CMC1: variants seen among roughly 807,000 people sequenced by gnomAD.
CMC1 encodes the protein COX assembly mitochondrial protein homolog.
Under a neutral mutation model 14.1 loss-of-function variants are expected in CMC1, and 14 were observed. The ratio of observed to expected loss-of-function variants is 0.99; its 90% CI spans 0.66 to 1.55. The LOEUF (loss-of-function observed/expected upper bound fraction) is 1.55, where lower values mean the gene tolerates loss of function less well. Among genes scored for constraint, CMC1 ranks in the 40% most tolerant of loss-of-function variants. CMC1 has a pLI of 0.00. For missense variants in CMC1, 127 were observed against 123.8 expected, an observed-to-expected ratio of 1.03 and a Z score of -0.12; for synonymous variants, 50 against 38.4, an observed-to-expected ratio of 1.30 and a Z score of -1.12.
intron 2 of CMC1, among the ~76,000 whole-genome samples, chr3:28,286,799 A>G (rs1701206176): frequency 1.3e-5 from 2 of 152,184 alleles, no homozygotes; most frequent in Admixed American, 1.3e-4. Flanking sequence ...TAGGGGTTCA[A>G]TTTTAACACA....
chr3:28,318,017 A>T (rs926452060), intron 3 of CMC1: 1 of 151,892 alleles, frequency 6.6e-6, no homozygotes, highest in Admixed American at 6.6e-5. Flanking sequence ...ATGTGACATT[A>T]ACTGAAAGTA....
chr3:28,299,617 A>G (rs1263540611), intron 2 of CMC1, among the ~76,000 whole-genome samples: 1 of 152,172 alleles, frequency 6.6e-6, no homozygotes, highest in Non-Finnish European at 1.5e-5. Context: ...AATTAAAAGC[A>G]TAATAATTTT....
chr3:28,323,836 AG>A lies in CMC1; in HGVS notation c.*4208del, dbSNP rs1234362548. ...GTATAGTAGCATATTTCAGATTCTT[AG>A]AATATGGAGCTAGAGGGTGCTCTTT... On this transcript the variant is annotated 3_prime_UTR_variant, in exon 4 of 4. Transcript: ENST00000466830. 2.2e-6 allele frequency: 1 copy of A among 453,452 alleles called. No individual in the cohort carries two copies. The highest frequency in any genetic ancestry group is 2.0e-5 in the African/African-American group (1 of 51,178). 28.1% of individuals were successfully genotyped at this position (453,452 alleles called of 1,614,324 possible). A position where few individuals can be genotyped will look rare whatever the true frequency, so the allele number is the denominator to read the frequency against.
chr3:28,306,419 G>A (rs1453133820), intron 2 of CMC1, among the ~76,000 whole-genome samples: 1 of 151,930 alleles, frequency 6.6e-6, no homozygotes, highest in Non-Finnish European at 1.5e-5. Context: ...GTCTACCTAG[G>A]TATTTGTGTG....
At chr3:28,299,477 A>G (rs965111037) in intron 2 of CMC1, among the ~76,000 whole-genome samples, 6 of 152,094 alleles carry the variant, frequency 3.9e-5, no homozygotes, top group Non-Finnish European at 7.4e-5. Context: ...TAGCTCATGC[A>G]CTACAATGTA....
intron 1 of CMC1, among the ~76,000 whole-genome samples, chr3:28,253,568 A>G (rs1052435368): frequency 6.6e-6 from 1 of 152,058 alleles, no homozygotes; most frequent in African/African-American, 2.4e-5. Flanking sequence ...GTGACAGAAT[A>G]GTATTCTGTC....
At chr3:28,305,779 A>ATTTTTTTTTTTTTTTT (rs71087685) in intron 2 of CMC1, among the ~76,000 whole-genome samples, 8 of 43,570 alleles carry the variant, frequency 1.8e-4, no homozygotes, top group African/African-American at 6.7e-4. Context: ...TTTCATAGGA[A>ATTTTTTTTTTTTTTTT]TTTTTTTTTT....
intron 2 of CMC1, among the ~76,000 whole-genome samples, chr3:28,301,668 T>C (rs73822576): frequency 0.088 from 13,425 of 152,032 alleles, 1,851 homozygotes; most frequent in African/African-American, 0.29. Flanking sequence ...TAATGTTTTT[T>C]AAGCCAGTTG....
In CMC1 at chr3:28,323,010, C is replaced by T. The variant is rs565007052; in HGVS notation, c.*3381C>T. ...TCCTTCTTTATTTCCAAATAATTGGCCACTTAGAATAAGTGTGGACATTTC... is the reference window on the plus strand; with the variant it reads ...TCCTTCTTTATTTCCAAATAATTGGTCACTTAGAATAAGTGTGGACATTTC... On this transcript the variant is annotated 3_prime_UTR_variant, in exon 4 of 4. Transcript: ENST00000466830. The T allele has an allele frequency of 3.0e-4, 43 of 142,126 alleles. No homozygotes were observed. Among genetic ancestry groups the T allele is most frequent in the African/African-American group, 1.0e-3 (42 of 41,078 alleles). 8.8% of individuals were successfully genotyped at this position (142,126 alleles called of 1,614,324 possible).
chr3:28,245,388 CCTGCACCTGA>C (rs1698771758), intron 1 of CMC1, among the ~76,000 whole-genome samples: 3 of 152,070 alleles, frequency 2.0e-5, no homozygotes, highest in Non-Finnish European at 4.4e-5. Context: ...CCCATAGGAA[CCTGCACCTGA>C]TAAATTTGAT....
rs1703296353 is a variant in CMC1, at chr3:28,324,268, G to T, written c.*4639G>T. ...AATGGATCTCTCATTGTCTGTCCAT[G>T]ATTGGAGGATTGCTTTCTCTGATAA... On this transcript the variant is annotated 3_prime_UTR_variant, in exon 4 of 4. Coordinates refer to ENST00000466830, the MANE Select transcript of CMC1 (RefSeq NM_182523.2). 1 of 1,609,106 alleles carries T rather than the reference G, an allele frequency of 6.2e-7. No individual in the cohort carries two copies.
At position 28,293,982 on chromosome 3, in the gene CMC1, T is replaced by C. The variant is rs530627769; in HGVS notation, c.110-22351T>C. ...TTATATTTTACATATAGCATTAAAT[T>C]TGAACTATATGGATTTCAAATAAAA... On this transcript the variant is annotated intron_variant, in intron 2 of 3. Coordinates refer to ENST00000466830, the MANE Select transcript of CMC1 (RefSeq NM_182523.2). 3.3e-5 allele frequency among the ~76,000 whole-genome samples: 5 copies of C among 152,306 alleles called. No individual in the cohort carries two copies. In the South Asian group the frequency reaches 1.0e-3, roughly 32 times the overall value.
At chr3:28,283,203 A>ATT (rs766153875) in intron 2 of CMC1, among the ~76,000 whole-genome samples, 1 of 152,140 alleles carries the variant, frequency 6.6e-6, no homozygotes, top group Non-Finnish European at 1.5e-5. Context: ...ATGGGTAAAT[A>ATT]TCAAGCACAT....
At chr3:28,243,908 G>T (rs1698669452) in intron 1 of CMC1, among the ~76,000 whole-genome samples, 1 of 152,214 alleles carries the variant, frequency 6.6e-6, no homozygotes, top group South Asian at 2.1e-4. Context: ...AGATGGTGAA[G>T]AGATTAGTCA....
At chr3:28,304,606 G>A (rs1702217083) in intron 2 of CMC1, among the ~76,000 whole-genome samples, 1 of 152,044 alleles carries the variant, frequency 6.6e-6, no homozygotes, top group South Asian at 2.1e-4. Flanking sequence ...TGACAATAAT[G>A]ATTATTCCTT....
rs1018541930 is a variant in CMC1 at position 28,320,419 on chromosome 3, C to T, written c.*790C>T. 1 of 151,488 alleles carries T rather than the reference C, an allele frequency of 6.6e-6. No homozygotes were observed. The highest frequency in any genetic ancestry group is 2.4e-5 in the African/African-American group (1 of 41,354). 9.4% of individuals were successfully genotyped at this position (151,488 alleles called of 1,614,324 possible). The stretch of plus-strand genomic sequence containing the variant: ...AACAAGTGTGGGCAAACTTTTATAA[C>T]AGCCCGCTCTCTTGAGAACTAATAC... On this transcript the variant is annotated 3_prime_UTR_variant, in exon 4 of 4. Transcript: ENST00000466830.
intron 2 of CMC1, among the ~76,000 whole-genome samples, chr3:28,283,551 C>CAAAAAAAAAAAAAAAAAAAAAAAAAAA (rs5847510): frequency 8.5e-6 from 1 of 118,282 alleles, no homozygotes; most frequent in African/African-American, 3.1e-5. Context: ...ACAACAAAAA[C>CAAAAAAAAAAAAAAAAAAAAAAAAAAA]AAAAAAAAAA....
chr3:28,264,284 C>T (rs1157193016), intron 2 of CMC1, among the ~76,000 whole-genome samples: 1 of 152,110 alleles, frequency 6.6e-6, no homozygotes, highest in East Asian at 1.9e-4. Flanking sequence ...TACAGGGGAG[C>T]AGGGCTGTGT....
intron 2 of CMC1, among the ~76,000 whole-genome samples, chr3:28,299,731 TA>T (rs1052468236): frequency 1.5e-4 from 23 of 151,900 alleles, no homozygotes; most frequent in Admixed American, 1.2e-3. Flanking sequence ...CCTGGGACAT[TA>T]AAAAAAACTC....
Sources: allele counts gnomAD v4.1 joint callset (sites outside exome capture counted in the v4.1 genomes callset), GRCh38; gene constraint gnomAD v4.1.1; transcripts MANE v1.5; gene names NCBI Gene and HGNC (gene_info 2026-07-23, HGNC 2026-07-21).